PLXNA4: variants seen among roughly 807,000 people sequenced by gnomAD.
PLXNA4 encodes the protein plexin A4.
A neutral mutation model predicts 191.8 loss-of-function variants in PLXNA4; 44 were observed. That is an observed-to-expected ratio of 0.23 (90% CI 0.18 to 0.29). The LOEUF (loss-of-function observed/expected upper bound fraction) is 0.29, where lower values mean the gene tolerates loss of function less well. Among genes scored for constraint, PLXNA4 ranks in the 10% least tolerant of loss-of-function variants. The pLI is 1.00. For synonymous variants in PLXNA4, 1,082 were observed against 1,009.5 expected (o/e 1.07, Z -1.36); for missense variants, 1,800 against 2,488.8 (o/e 0.72, Z 5.89).
At chr7:132,580,059 C>G (rs1367399544), upstream of PLXNA4, among the ~76,000 whole-genome samples, 3 of 152,130 alleles carry the variant, frequency 2.0e-5, no homozygotes, top group African/African-American at 7.2e-5. Context: ...TACCTCATCT[C>G]TCACCTGACA....
rs992530242 is a variant in PLXNA4, at chr7:132,201,143, C to T, written c.2586+1503G>A. ...ACAAAGAGAAGATGATGGGAAGCTA[C>T]ACAGGGAGAAGATGGCCATCTCCGA... On this transcript the variant is annotated intron_variant, in intron 12 of 31. Transcript: ENST00000321063. 6.6e-5 allele frequency among the ~76,000 whole-genome samples: 10 copies of T among 152,258 alleles called. 1 individual carries two copies. In the East Asian group the frequency reaches 1.7e-3, roughly 26 times the overall value.
At chr7:132,572,689 C>T (rs758973586) in intron 1 of PLXNA4, among the ~76,000 whole-genome samples, 1 of 152,172 alleles carries the variant, frequency 6.6e-6, no homozygotes, top group African/African-American at 2.4e-5. Flanking sequence ...ACCTTCCTAC[C>T]GCAACTTGAA....
chr7:132,160,300 G>A (rs974512704), intron 24 of PLXNA4, among the ~76,000 whole-genome samples: 2 of 152,170 alleles, frequency 1.3e-5, no homozygotes, highest in South Asian at 4.1e-4. Flanking sequence ...AGATTCTTTC[G>A]TGGCCCTGAA....
intron 9 of PLXNA4, among the ~76,000 whole-genome samples, chr7:132,214,225 G>C (rs1797894894): frequency 6.6e-6 from 1 of 152,146 alleles, no homozygotes; most frequent in South Asian, 2.1e-4. Context: ...CCTGCCTGGG[G>C]GCTGGACTGT....
intron 2 of PLXNA4, among the ~76,000 whole-genome samples, chr7:132,622,447 G>A (rs1803286198): frequency 1.3e-5 from 2 of 151,942 alleles, no homozygotes; most frequent in Admixed American, 6.5e-5. Flanking sequence ...AAAAACATTG[G>A]GAAAATAATC....
At chr7:132,158,729 G>T (rs919403696) in intron 25 of PLXNA4, among the ~76,000 whole-genome samples, 16 of 152,056 alleles carry the variant, frequency 1.1e-4, no homozygotes, top group Non-Finnish European at 2.1e-4. Flanking sequence ...AGATGTGTTT[G>T]ATGCTGGCCC....
chr7:132,617,660 A>G (rs529121956), intron 2 of PLXNA4, among the ~76,000 whole-genome samples: 37 of 152,266 alleles, frequency 2.4e-4, no homozygotes, highest in African/African-American at 5.8e-4. Context: ...AACACTGACA[A>G]CCCATTTCCC....
intron 2 of PLXNA4, among the ~76,000 whole-genome samples, chr7:132,645,721 G>A (rs1318489473): frequency 6.6e-6 from 1 of 152,130 alleles, no homozygotes; most frequent in African/African-American, 2.4e-5. Flanking sequence ...AGCTGCTGCC[G>A]GTTCCACAGT....
intron 8 of PLXNA4, among the ~76,000 whole-genome samples, chr7:132,224,529 T>C (rs889422619): frequency 3.9e-5 from 6 of 152,202 alleles, no homozygotes; most frequent in Non-Finnish European, 7.3e-5. Flanking sequence ...GATTGAGTCT[T>C]TGTGTTGCAT....
At chr7:132,519,636 C>T (rs1799093792) in intron 1 of PLXNA4, among the ~76,000 whole-genome samples, 1 of 152,236 alleles carries the variant, frequency 6.6e-6, no homozygotes. Context: ...GCTGCTCTGG[C>T]CTGGCCCCAG....
At chr7:132,579,458 T>C (rs1291986906), upstream of PLXNA4, among the ~76,000 whole-genome samples, 2 of 151,642 alleles carry the variant, frequency 1.3e-5, no homozygotes, top group Non-Finnish European at 2.9e-5. Flanking sequence ...TGTGTGTGCG[T>C]GTGTGTGTGA....
intron 21 of PLXNA4, among the ~76,000 whole-genome samples, chr7:132,173,560 C>T (rs542286158): frequency 1.5e-4 from 23 of 152,314 alleles, no homozygotes; most frequent in African/African-American, 5.5e-4. Context: ...ACACACAAGC[C>T]TATGCTTCAT....
chr7:132,497,746 G>C (rs574282065), intron 2 of PLXNA4, among the ~76,000 whole-genome samples: 2 of 152,264 alleles, frequency 1.3e-5, no homozygotes, highest in South Asian at 4.2e-4. Flanking sequence ...AAGCAAGCCA[G>C]AGAAGTCCTA....
chr7:132,299,330 G>A (rs939977779), intron 3 of PLXNA4, among the ~76,000 whole-genome samples: 1 of 152,040 alleles, frequency 6.6e-6, no homozygotes, highest in African/African-American at 2.4e-5. Flanking sequence ...AATTTTTAAT[G>A]TATAATTTTT....
rs1794760647 is a variant in PLXNA4, at chr7:132,126,050, T to TC, written c.*4428_*4429insG. On this transcript the variant is annotated 3_prime_UTR_variant, in exon 32 of 32. Coordinates refer to ENST00000321063, the MANE Select transcript of PLXNA4 (RefSeq NM_020911.2). ...ATAACAATACTGGCCCTTTGCTCGGTTAAGTATTTGACTTCACATTACTGT... is the reference window on the plus strand; with the variant it reads ...ATAACAATACTGGCCCTTTGCTCGGTCTAAGTATTTGACTTCACATTACTGT... The TC allele has an allele frequency of 6.6e-6, 1 of 152,264 alleles. No individual in the cohort carries two copies. The highest frequency in any genetic ancestry group is 2.4e-5 in the African/African-American group (1 of 41,454). 9.4% of individuals were successfully genotyped at this position (152,264 alleles called of 1,614,324 possible).
At chr7:132,177,686 G>A (rs904064009) in intron 20 of PLXNA4, among the ~76,000 whole-genome samples, 3 of 152,132 alleles carry the variant, frequency 2.0e-5, no homozygotes, top group Admixed American at 6.6e-5. Flanking sequence ...GTCACCAAGC[G>A]CCTCCAACAT....
At chr7:132,274,257 C>T (rs550230795) in intron 4 of PLXNA4, among the ~76,000 whole-genome samples, 13 of 150,998 alleles carry the variant, frequency 8.6e-5, no homozygotes, top group African/African-American at 2.9e-4. Flanking sequence ...GTGGTAATTA[C>T]GCTAATATGT....
At chr7:132,252,284 G>A (rs1342677528) in intron 4 of PLXNA4, among the ~76,000 whole-genome samples, 2 of 142,958 alleles carry the variant, frequency 1.4e-5, no homozygotes, top group African/African-American at 2.6e-5. Flanking sequence ...TTGTTAAAAT[G>A]ACAGCATTCT....
At chr7:132,264,380 G>A (rs996007979) in intron 4 of PLXNA4, 2 of 152,230 alleles carry the variant, frequency 1.3e-5, no homozygotes, top group African/African-American at 4.8e-5. Flanking sequence ...TGTCTGGAGT[G>A]GGGCTTAGGG....
Sources: allele counts gnomAD v4.1 joint callset (sites outside exome capture counted in the v4.1 genomes callset), GRCh38; gene constraint gnomAD v4.1.1; transcripts MANE v1.5; gene names NCBI Gene and HGNC (gene_info 2026-07-23, HGNC 2026-07-21).